Variants in ABHD8 observed in about 807,000 individuals in gnomAD.
The protein encoded by ABHD8 is abhydrolase domain containing 8.
ABHD8 carries 10 observed loss-of-function variants against 29.3 expected under a neutral mutation model. That is an observed-to-expected ratio of 0.34 (90% CI 0.21 to 0.58). ABHD8 has a LOEUF of 0.58. Among genes scored for constraint, ABHD8 ranks in the 20% least tolerant of loss-of-function variants. The pLI, the probability that ABHD8 is intolerant of heterozygous loss-of-function variation, is 0.85. For synonymous variants in ABHD8, 282 were observed against 274.6 expected (o/e 1.03, Z -0.27); for missense variants, 556 against 615.3 (o/e 0.90, Z 1.02).
rs751059861 is a variant in ABHD8 at position 17,301,243 on chromosome 19, G to T, written c.374C>A (p.Ala125Glu). The change falls in exon 2 of 5, where the codon GCG becomes GAG. Residue 125 changes from alanine to glutamate, a missense_variant. Around this residue, in one of 2 missense-constraint regions of ABHD8, gnomAD observed 286 missense variants for 261.4 expected, o/e 1.09. Transcript: ENST00000247706. Reference sequence around the variant, plus strand: ...GGGGGCCAAGCGGCCATCGCTGCCCGCCGGATCTGCCAGCTCCACCTCCAG... The same window carrying T: ...GGGGGCCAAGCGGCCATCGCTGCCCTCCGGATCTGCCAGCTCCACCTCCAG... ...AALEVELADP[A>E]GSDGRLAPGS... 1 of 1,594,072 alleles carries T rather than the reference G, an allele frequency of 6.3e-7. No homozygotes were observed. The highest frequency in any genetic ancestry group is 1.7e-5 in the Admixed American group (1 of 58,592).
chr19:17,295,072 C>G (rs964304382), intron 2 of ABHD8, among the ~76,000 whole-genome samples: 3 of 150,926 alleles, frequency 2.0e-5, no homozygotes, highest in African/African-American at 7.3e-5. Flanking sequence ...TGCAGGCGCA[C>G]ACCACCACAC....
At chr19:17,294,912 C>A in intron 2 of ABHD8, 67 bp from the exon 3 acceptor site, 1 of 1,557,348 alleles carries the variant, frequency 6.4e-7, no homozygotes, top group Non-Finnish European at 8.8e-7. Flanking sequence ...AAGCAGTGAC[C>A]ATTTTGTTTT....
intron 2 of ABHD8, among the ~76,000 whole-genome samples, chr19:17,299,560 CAAAAAA>C (rs567760409): frequency 3.9e-5 from 2 of 51,506 alleles, no homozygotes; most frequent in African/African-American, 7.9e-5. Context: ...GACTCCATCT[CAAAAAA>C]AAAAAAAAAA....
Position 17,292,639 on chromosome 19 carries a change from C to G in ABHD8, c.*22G>C, listed in dbSNP as rs2074075941. On this transcript the variant is annotated 3_prime_UTR_variant, in exon 5 of 5. Coordinates refer to ENST00000247706, the MANE Select transcript of ABHD8 (RefSeq NM_024527.5). ...TCCTGCTGCGGCTGTGCTCACCAAG[C>G]GATGCCCCGCCGGCCCAGCGGCTAC... 1.9e-6 allele frequency: 3 copies of G among 1,594,562 alleles called. No individual in the cohort carries two copies. Among genetic ancestry groups the G allele is most frequent in the Non-Finnish European group, 2.6e-6 (3 of 1,171,426 alleles).
At position 17,298,913 on chromosome 19, in the gene ABHD8, T is replaced by C. The variant is rs371543921; in HGVS notation, c.761+1943A>G. 2.1e-4 allele frequency among the ~76,000 whole-genome samples: 32 copies of C among 152,110 alleles called. 1 individual carries two copies. The South Asian group carries it at 6.6e-3, about 32-fold the overall frequency. On this transcript the variant is annotated intron_variant, in intron 2 of 4. Transcript: ENST00000247706. Reference sequence around the variant, plus strand: ...ACACCATCATGCCTGGTTAATTTTTTGTACTTTTAGTAGAGATGGGGTTTC... The same window carrying C: ...ACACCATCATGCCTGGTTAATTTTTCGTACTTTTAGTAGAGATGGGGTTTC...
chr19:17,301,332 C>A lies in ABHD8; in HGVS notation c.285G>T (p.Leu95=). 6.2e-7 allele frequency: 1 copy of A among 1,608,616 alleles called. No individual in the cohort carries two copies. The change falls in exon 2 of 5, where the codon CTG becomes CTT. Residue 95 remains leucine (L), a synonymous_variant. Coordinates refer to ENST00000247706, the MANE Select transcript of ABHD8 (RefSeq NM_024527.5). ...YRNGRLLVEN[L]GRAPRADLLH... Reference sequence around the variant, plus strand: ...GGAGGTCGGCTCGAGGGGCTCGGCCCAGGTTTTCCACCAGCAACCGCCCAT... The same window carrying A: ...GGAGGTCGGCTCGAGGGGCTCGGCCAAGGTTTTCCACCAGCAACCGCCCAT...
intron 1 of ABHD8, chr19:17,302,303 A>G (rs1377099809): frequency 6.6e-6 from 1 of 152,400 alleles, no homozygotes. Context: ...TGGAGTTTAT[A>G]CCATTTATGG....
At chr19:17,294,906 A>G (rs1013206694) in intron 2 of ABHD8, 61 bp from the exon 3 acceptor site, 116 of 1,572,652 alleles carry the variant, frequency 7.4e-5, no homozygotes, top group Middle Eastern at 3.3e-4. Context: ...GGATACAAGC[A>G]GTGACCATTT....
Position 17,295,090 on chromosome 19 carries a change from A to ATTTTTTTTTT in ABHD8, c.762-255_762-246dup, listed in dbSNP as rs779607230. Among the ~76,000 whole-genome samples, 13 of 80,414 alleles carry ATTTTTTTTTT rather than the reference A, an allele frequency of 1.6e-4. 1 individual carries two copies. Among genetic ancestry groups the ATTTTTTTTTT allele is most frequent in the African/African-American group, 5.4e-4 (11 of 20,338 alleles). 52.8% of individuals were successfully genotyped at this position (80,414 alleles called of 152,430 possible). A position where few individuals can be genotyped will look rare whatever the true frequency, so the allele number is the denominator to read the frequency against. On this transcript the variant is annotated intron_variant, in intron 2 of 4. Transcript: ENST00000247706. Reference sequence around the variant, plus strand: ...AGGCGCACACCACCACACCCAGGTAATTTTTTTTTTTTTTTTTTTTTTTTT... The same window carrying ATTTTTTTTTT: ...AGGCGCACACCACCACACCCAGGTAATTTTTTTTTTTTTTTTTTTTTTTTTTTTTTTTTTT...
chr19:17,302,831 G>T (rs1412139882), intron 1 of ABHD8: 1 of 152,200 alleles, frequency 6.6e-6, no homozygotes, highest in Non-Finnish European at 1.5e-5. Flanking sequence ...CATAACCTAA[G>T]GGGGGGATAC....
Position 17,300,678 on chromosome 19 carries a change from A to G in ABHD8, c.761+178T>C, listed in dbSNP as rs180717315. Among the ~76,000 whole-genome samples, 1,135 of 152,196 alleles carry G rather than the reference A, an allele frequency of 7.5e-3. 6 individuals are homozygous for G. The highest frequency in any genetic ancestry group is 0.025 in the African/African-American group (1,041 of 41,524). On this transcript the variant is annotated intron_variant, in intron 2 of 4. Transcript: ENST00000247706. ...TTTTTGGTAGAGACGGGGTTTCACCACCTTGGCCAGACTGTTCCCGAACTC... is the reference window on the plus strand; with the variant it reads ...TTTTTGGTAGAGACGGGGTTTCACCGCCTTGGCCAGACTGTTCCCGAACTC...
intron 2 of ABHD8, among the ~76,000 whole-genome samples, chr19:17,299,233 G>A (rs1331149550): frequency 3.6e-5 from 2 of 56,022 alleles, no homozygotes; most frequent in Non-Finnish European, 7.8e-5. Context: ...AACATAATGA[G>A]ACCCCCCCCC....
chr19:17,298,305 G>A (rs1441091268), intron 2 of ABHD8: 1 of 152,094 alleles, frequency 6.6e-6, no homozygotes, highest in East Asian at 1.9e-4. Flanking sequence ...TTTCTTCCTG[G>A]ATAAAGGAGA....
At chr19:17,299,904 C>G (rs566029851) in intron 2 of ABHD8, among the ~76,000 whole-genome samples, 1 of 140,274 alleles carries the variant, frequency 7.1e-6, no homozygotes, top group Non-Finnish European at 1.5e-5. Context: ...GTGGTGGCCC[C>G]TTTTTTTTTT....
In ABHD8 at chr19:17,301,776, T is replaced by TGTG. The variant is rs2074120652; in HGVS notation, c.-8-153_-8-152insCAC. ...AGCCACGGCACTGAGATTTTTTTGTTTGTGTGTGTGTGTGTGTGTGTGTGT... is the reference window on the plus strand; with the variant it reads ...AGCCACGGCACTGAGATTTTTTTGTTGTGTGTGTGTGTGTGTGTGTGTGTGTGT... On this transcript the variant is annotated intron_variant, in intron 1 of 4. Coordinates refer to ENST00000247706, the MANE Select transcript of ABHD8 (RefSeq NM_024527.5). 3.4e-5 allele frequency among the ~76,000 whole-genome samples: 5 copies of TGTG among 147,462 alleles called. No homozygotes were observed. In the East Asian group the frequency reaches 6.0e-4, roughly 18 times the overall value.
At position 17,294,445 on chromosome 19, in the gene ABHD8, A is replaced by G; in HGVS notation, c.992T>C (p.Phe331Ser). The change falls in exon 4 of 5, where the codon TTC becomes TCC. Residue 331 changes from phenylalanine to serine, a missense_variant. Physicochemically the swap from Phe to Ser is radical, Grantham distance 155 (BLOSUM62 -2). Coordinates refer to ENST00000247706, the MANE Select transcript of ABHD8 (RefSeq NM_024527.5). ...EKQLLKEGNA[F>S]NVSSFVLRAM... Reference sequence around the variant, plus strand: ...CCGGAGTACGAAGGATGACACGTTGAAAGCGTTGCCCTCCTTTAACAGCTG... The same window carrying G: ...CCGGAGTACGAAGGATGACACGTTGGAAGCGTTGCCCTCCTTTAACAGCTG... The G allele has an allele frequency of 6.2e-7, 1 of 1,614,150 alleles. No individual in the cohort carries two copies. The highest frequency in any genetic ancestry group is 8.5e-7 in the Non-Finnish European group (1 of 1,180,014).
At chr19:17,302,536 G>A (rs1159402120) in intron 1 of ABHD8, among the ~76,000 whole-genome samples, 1 of 152,208 alleles carries the variant, frequency 6.6e-6, no homozygotes, top group African/African-American at 2.4e-5. Context: ...GGCCCTAGGA[G>A]AGGGGGATGG....
At chr19:17,295,090 ATTTTTTTTTTTT>A (rs779607230) in intron 2 of ABHD8, among the ~76,000 whole-genome samples, 5 of 80,412 alleles carry the variant, frequency 6.2e-5, no homozygotes, top group African/African-American at 2.5e-4. Context: ...CACCCAGGTA[ATTTTTTTTTTTT>A]TTTTTTTTTT....
intron 4 of ABHD8, among the ~76,000 whole-genome samples, chr19:17,293,205 C>G (rs1420261543): frequency 6.6e-6 from 1 of 150,924 alleles, no homozygotes; most frequent in African/African-American, 2.4e-5. Flanking sequence ...AAGCGATTCT[C>G]TTGCCTCAGC....
Sources: allele counts gnomAD v4.1 joint callset (sites outside exome capture counted in the v4.1 genomes callset), GRCh38; gene constraint gnomAD v4.1.1; regional missense constraint gnomAD v4.1.1; transcripts MANE v1.5; gene names NCBI Gene and HGNC (gene_info 2026-07-23, HGNC 2026-07-21).